The following SLC35D4 variants were observed in gnomAD, a reference collection of about 807,000 sequenced individuals.
The protein encoded by SLC35D4 is UDP-N-acetylglucosamine transporter SLC35D4.
At chr18:23,391,379 C>A in the SLC35D4 span, among the ~76,000 whole-genome samples, 1 of 152,168 alleles carries the variant, frequency 6.6e-6, no homozygotes, top group East Asian at 1.9e-4. Flanking sequence ...CATTCTGTCT[C>A]CATGTGCACT....
the SLC35D4 span, among the ~76,000 whole-genome samples, chr18:23,401,431 T>C: frequency 1.7e-4 from 26 of 152,332 alleles, no homozygotes; most frequent in African/African-American, 6.3e-4. Context: ...CTGTAATAGA[T>C]GTCAGCACCC....
the SLC35D4 span, among the ~76,000 whole-genome samples, chr18:23,363,367 T>C: frequency 1.3e-5 from 1 of 78,056 alleles, no homozygotes; most frequent in South Asian, 4.9e-4. Flanking sequence ...AAAGCACATT[T>C]TTTTTTTTTT....
At chr18:23,406,754 ATTG>A in the SLC35D4 span, among the ~76,000 whole-genome samples, 2 of 152,158 alleles carry the variant, frequency 1.3e-5, no homozygotes, top group South Asian at 2.1e-4. Context: ...TGAGTCATGA[ATTG>A]TTGTTTGATC....
the SLC35D4 span, among the ~76,000 whole-genome samples, chr18:23,343,929 G>A: frequency 2.5e-4 from 37 of 146,726 alleles, no homozygotes; most frequent in Non-Finnish European, 3.6e-4. Flanking sequence ...ATGGAGTTTC[G>A]CTCTTGTTGC....
the SLC35D4 span, among the ~76,000 whole-genome samples, chr18:23,248,919 A>G: frequency 6.6e-6 from 1 of 152,256 alleles, no homozygotes; most frequent in East Asian, 1.9e-4. Context: ...CATTTCAGGA[A>G]TGATCCACAA....
chr18:23,255,948 C>T, the SLC35D4 span, among the ~76,000 whole-genome samples: 3 of 152,204 alleles, frequency 2.0e-5, no homozygotes, highest in African/African-American at 7.2e-5. Context: ...ATATACCACA[C>T]AGCAAAAGCT....
At chr18:23,329,818 A>C in the SLC35D4 span, among the ~76,000 whole-genome samples, 1 of 152,250 alleles carries the variant, frequency 6.6e-6, no homozygotes, top group Admixed American at 6.5e-5. Context: ...AATGTCCATC[A>C]ATGACAGACT....
chr18:23,276,148 C>T, the SLC35D4 span, among the ~76,000 whole-genome samples: 12 of 151,598 alleles, frequency 7.9e-5, no homozygotes, highest in Admixed American at 2.0e-4. Flanking sequence ...AGTGCAGTGG[C>T]GCAATCTCGG....
At chr18:23,333,224 C>T in the SLC35D4 span, among the ~76,000 whole-genome samples, 24 of 152,106 alleles carry the variant, frequency 1.6e-4, no homozygotes, top group Non-Finnish European at 3.4e-4. Flanking sequence ...GAAGATACAG[C>T]CTTCAAATAA....
the SLC35D4 span, among the ~76,000 whole-genome samples, chr18:23,319,461 G>A: frequency 1.3e-5 from 2 of 151,624 alleles, no homozygotes; most frequent in Non-Finnish European, 2.9e-5. Context: ...TGTTGTTGTT[G>A]AGATGGAGTT....
chr18:23,262,381 G>A, the SLC35D4 span, among the ~76,000 whole-genome samples: 7 of 152,328 alleles, frequency 4.6e-5, no homozygotes, highest in South Asian at 6.2e-4. Context: ...CAGATACAGC[G>A]TTAGGATGGT....
chr18:23,430,905 C>T, the SLC35D4 span, among the ~76,000 whole-genome samples: 783 of 152,108 alleles, frequency 5.1e-3, 11 homozygotes, highest in African/African-American at 0.018. Flanking sequence ...CCTGTAATCC[C>T]AGCACTTTGG....
the SLC35D4 span, chr18:23,253,843 A>G: frequency 6.2e-7 from 1 of 1,614,104 alleles, no homozygotes; most frequent in Non-Finnish European, 8.5e-7. Context: ...AACTCAACAA[A>G]CAGAACCGGA....
chr18:23,336,571 G>A, the SLC35D4 span, among the ~76,000 whole-genome samples: 15 of 152,182 alleles, frequency 9.9e-5, no homozygotes, highest in African/African-American at 3.6e-4. Flanking sequence ...GTTTAACAAT[G>A]TATTTTCATC....
the SLC35D4 span, among the ~76,000 whole-genome samples, chr18:23,249,413 C>T: frequency 1.3e-5 from 2 of 152,128 alleles, no homozygotes; most frequent in African/African-American, 4.8e-5. Flanking sequence ...GGGCAATAGC[C>T]AGACAAGGAG....
the SLC35D4 span, among the ~76,000 whole-genome samples, chr18:23,301,553 A>G: frequency 6.6e-6 from 1 of 152,218 alleles, no homozygotes. Context: ...AGTTCAAGTG[A>G]TCCTCATGGC....
At chr18:23,365,000 C>T in the SLC35D4 span, among the ~76,000 whole-genome samples, 5 of 146,214 alleles carry the variant, frequency 3.4e-5, no homozygotes, top group Middle Eastern at 3.8e-3. Flanking sequence ...AAAAATGATG[C>T]CAGATAGAAA....
At chr18:23,330,356 C>T in the SLC35D4 span, among the ~76,000 whole-genome samples, 2 of 151,948 alleles carry the variant, frequency 1.3e-5, no homozygotes, top group Non-Finnish European at 2.9e-5. Flanking sequence ...CATTTACTTT[C>T]TACATGTTCT....
At chr18:23,272,741 A>G in the SLC35D4 span, among the ~76,000 whole-genome samples, 1 of 152,116 alleles carries the variant, frequency 6.6e-6, no homozygotes, top group Non-Finnish European at 1.5e-5. Flanking sequence ...CTTCGTTAGC[A>G]TTTCTTTCCT....
Sources: gnomAD v4.1 joint callset for allele counts (sites outside exome capture counted in the v4.1 genomes callset) on GRCh38, gnomAD v4.1.1 for gene constraint, MANE v1.5 for transcripts, NCBI Gene and HGNC (gene_info 2026-07-23, HGNC 2026-07-21) for gene names.